Variants in SPMIP7 observed in about 807,000 individuals in gnomAD.
The protein encoded by SPMIP7 is protein SPMIP7.
At chr7:50,113,752 G>T in the SPMIP7 span, among the ~76,000 whole-genome samples, 1 of 152,010 alleles carries the variant, frequency 6.6e-6, no homozygotes, top group Non-Finnish European at 1.5e-5. Flanking sequence ...TGAGAAAAAA[G>T]ATTGGTGACA....
the SPMIP7 span, among the ~76,000 whole-genome samples, chr7:50,111,713 G>C: frequency 6.6e-6 from 1 of 152,134 alleles, no homozygotes; most frequent in Non-Finnish European, 1.5e-5. Flanking sequence ...CAAGGATTCT[G>C]TTGCACTTAC....
chr7:50,138,884 G>A, the SPMIP7 span, among the ~76,000 whole-genome samples: 1 of 152,008 alleles, frequency 6.6e-6, no homozygotes, highest in African/African-American at 2.4e-5. Flanking sequence ...AGAATATTGA[G>A]TCTTGTCAGA....
chr7:50,140,544 T>C, the SPMIP7 span, among the ~76,000 whole-genome samples: 2 of 152,238 alleles, frequency 1.3e-5, no homozygotes, highest in Admixed American at 1.3e-4. Flanking sequence ...GATGAGATGC[T>C]CATTAACAGC....
At chr7:50,146,529 A>G in the SPMIP7 span, among the ~76,000 whole-genome samples, 4 of 152,248 alleles carry the variant, frequency 2.6e-5, no homozygotes, top group African/African-American at 9.6e-5. Flanking sequence ...CCTAAAAAAT[A>G]TCTTGTGGCC....
At chr7:50,144,541 GC>G in the SPMIP7 span, among the ~76,000 whole-genome samples, 8 of 152,260 alleles carry the variant, frequency 5.3e-5, no homozygotes, top group Admixed American at 5.2e-4. Flanking sequence ...AAACAATATA[GC>G]AAAAACAGCC....
chr7:50,099,908 C>A, the SPMIP7 span, among the ~76,000 whole-genome samples: 2 of 152,194 alleles, frequency 1.3e-5, no homozygotes, highest in Non-Finnish European at 2.9e-5. Context: ...ATGTTGGATT[C>A]ATCAGAGTTC....
the SPMIP7 span, among the ~76,000 whole-genome samples, chr7:50,123,909 T>C: frequency 5.9e-5 from 9 of 152,142 alleles, no homozygotes; most frequent in African/African-American, 2.2e-4. Context: ...ACATTAATGG[T>C]AATATACTAA....
chr7:50,130,157 C>T, the SPMIP7 span, among the ~76,000 whole-genome samples: 1 of 152,116 alleles, frequency 6.6e-6, no homozygotes, highest in African/African-American at 2.4e-5. Context: ...TGAGCTACAT[C>T]AGTGAGTAGG....
the SPMIP7 span, among the ~76,000 whole-genome samples, chr7:50,132,061 T>A: frequency 6.6e-6 from 1 of 152,126 alleles, no homozygotes; most frequent in African/African-American, 2.4e-5. Context: ...TATGAACGCC[T>A]ACTATCCCAG....
At chr7:50,147,642 T>C in the SPMIP7 span, among the ~76,000 whole-genome samples, 1 of 152,224 alleles carries the variant, frequency 6.6e-6, no homozygotes, top group Non-Finnish European at 1.5e-5. Flanking sequence ...TCCACATTTT[T>C]CCTCTCATAT....
the SPMIP7 span, among the ~76,000 whole-genome samples, chr7:50,113,785 C>A: frequency 1.3e-5 from 2 of 151,880 alleles, no homozygotes; most frequent in Admixed American, 6.6e-5. Flanking sequence ...TTGTTCCTAA[C>A]TGATCAAAAT....
the SPMIP7 span, among the ~76,000 whole-genome samples, chr7:50,125,115 T>TATATAC: frequency 7.9e-5 from 2 of 25,416 alleles, no homozygotes; most frequent in African/African-American, 4.1e-4. Flanking sequence ...TATATATATA[T>TATATAC]ACACACACAC....
the SPMIP7 span, among the ~76,000 whole-genome samples, chr7:50,140,706 G>A: frequency 6.6e-6 from 1 of 152,214 alleles, no homozygotes; most frequent in African/African-American, 2.4e-5. Flanking sequence ...GAATATGGAG[G>A]AGGGATCTGG....
the SPMIP7 span, among the ~76,000 whole-genome samples, chr7:50,126,341 A>G: frequency 6.6e-6 from 1 of 151,842 alleles, no homozygotes; most frequent in African/African-American, 2.4e-5. Context: ...CAAAATTAAT[A>G]CTAAGTAAAA....
At chr7:50,109,573 C>T in the SPMIP7 span, among the ~76,000 whole-genome samples, 4 of 152,098 alleles carry the variant, frequency 2.6e-5, no homozygotes, top group Non-Finnish European at 5.9e-5. Context: ...ACAGGTTTCA[C>T]CATGTTGGCC....
chr7:50,132,761 A>G, the SPMIP7 span, among the ~76,000 whole-genome samples: 1 of 152,208 alleles, frequency 6.6e-6, no homozygotes, highest in South Asian at 2.1e-4. Flanking sequence ...ATTCACACAC[A>G]ACAAGAACAC....
chr7:50,121,851 T>A, the SPMIP7 span, among the ~76,000 whole-genome samples: 1 of 151,882 alleles, frequency 6.6e-6, no homozygotes, highest in African/African-American at 2.4e-5. Context: ...GAGATGGAGT[T>A]TCACCATGTT....
chr7:50,137,535 T>C, the SPMIP7 span, among the ~76,000 whole-genome samples: 1 of 152,156 alleles, frequency 6.6e-6, no homozygotes, highest in African/African-American at 2.4e-5. Context: ...CATATTTATG[T>C]CTAGAATTGT....
the SPMIP7 span, among the ~76,000 whole-genome samples, chr7:50,148,382 T>C: frequency 9.8e-5 from 15 of 152,374 alleles, no homozygotes; most frequent in African/African-American, 2.9e-4. Context: ...GCACAGAGGC[T>C]GTGCAATGTT....
Sources: allele counts gnomAD v4.1 joint callset (sites outside exome capture counted in the v4.1 genomes callset), GRCh38; gene constraint gnomAD v4.1.1; transcripts MANE v1.5; gene names NCBI Gene and HGNC (gene_info 2026-07-23, HGNC 2026-07-21).